WDR72: variants seen among roughly 807,000 people sequenced by gnomAD.
WDR72 encodes the protein WD repeat-containing protein 72.
WDR72 carries 120 observed loss-of-function variants against 124.2 expected under a neutral mutation model. The ratio of observed to expected loss-of-function variants is 0.97; its 90% confidence interval spans 0.83 to 1.12. WDR72 has a LOEUF of 1.12. Among genes scored for constraint, WDR72 ranks in the 50% most tolerant of loss-of-function variants. WDR72 has a pLI of 0.00. For synonymous variants in WDR72, 452 were observed against 441.7 expected (o/e 1.02, Z -0.29); for missense variants, 1,387 against 1,278.8 (o/e 1.08, Z -1.29).
intron 19 of WDR72, among the ~76,000 whole-genome samples, chr15:53,522,094 G>T (rs1251038612): frequency 2.0e-5 from 3 of 152,042 alleles, no homozygotes; most frequent in Non-Finnish European, 4.4e-5. Flanking sequence ...AATCTTGGTG[G>T]AGTGAAGAGG....
At chr15:53,610,463 CTTAAA>C (rs1217327844) in intron 16 of WDR72, among the ~76,000 whole-genome samples, 1 of 151,764 alleles carries the variant, frequency 6.6e-6, no homozygotes, top group African/African-American at 2.4e-5. Flanking sequence ...TAATTGTCTA[CTTAAA>C]TTAATATATT....
At chr15:53,674,990 G>C (rs899325816) in intron 13 of WDR72, among the ~76,000 whole-genome samples, 1 of 152,204 alleles carries the variant, frequency 6.6e-6, no homozygotes, top group Non-Finnish European at 1.5e-5. Flanking sequence ...TTGCTGAGAT[G>C]TGTAAAGATA....
In WDR72 at chr15:53,702,139, A is replaced by T. The variant is rs761015035; in HGVS notation, c.1564T>A (p.Phe522Ile). 2.5e-5 allele frequency: 40 copies of T among 1,611,456 alleles called. No individual in the cohort carries two copies. Among genetic ancestry groups the T allele is most frequent in the Non-Finnish European group, 3.2e-5 (38 of 1,178,896 alleles). The change falls in exon 12 of 20, where the codon TTT (phenylalanine) becomes ATT (isoleucine). Residue 522 changes from phenylalanine (F) to isoleucine (I), a missense_variant. Physicochemically the swap from Phe to Ile is conservative, Grantham distance 21. Transcript: ENST00000360509. The stretch of plus-strand genomic sequence containing the variant: ...TATTTTACTCTTCGTCTTACTTTAA[A>T]CTTCTCTGGTGACATCAAAAGACTT... ...VTSLLMSPEK[F>I]KLRGEQIICC...
chr15:53,526,046 G>A (rs1892093857), intron 18 of WDR72, among the ~76,000 whole-genome samples: 1 of 152,022 alleles, frequency 6.6e-6, no homozygotes, highest in Non-Finnish European at 1.5e-5. Context: ...GACATGATGT[G>A]TGACCAAGGC....
chr15:53,711,211 T>C, intron 8 of WDR72, 125 bp downstream of exon 8: 2 of 1,393,328 alleles, frequency 1.4e-6, no homozygotes, highest in Non-Finnish European at 2.0e-6. Context: ...GTAAATCTTC[T>C]AGTGCCAAAG....
At chr15:53,524,513 A>AT (rs1226049923) in intron 18 of WDR72, among the ~76,000 whole-genome samples, 1 of 152,066 alleles carries the variant, frequency 6.6e-6, no homozygotes, top group Non-Finnish European at 1.5e-5. Context: ...TCCAGTCAGC[A>AT]TTAGTAGTGT....
upstream of WDR72, among the ~76,000 whole-genome samples, chr15:53,761,724 A>G (rs913343530): frequency 6.6e-6 from 1 of 152,150 alleles, no homozygotes; most frequent in African/African-American, 2.4e-5. Flanking sequence ...GTTCCTCTGG[A>G]GGTTGAGTCA....
chr15:53,760,424 CAT>C (rs2019040180), upstream of WDR72, among the ~76,000 whole-genome samples: 1 of 151,084 alleles, frequency 6.6e-6, no homozygotes, highest in Non-Finnish European at 1.5e-5. Context: ...TAAGTGGGAA[CAT>C]GTGAAGTTTG....
chr15:53,608,926 A>G (rs2013410004), intron 17 of WDR72, among the ~76,000 whole-genome samples: 1 of 152,024 alleles, frequency 6.6e-6, no homozygotes, highest in African/African-American at 2.4e-5. Flanking sequence ...AATAATACCT[A>G]CTATTTGATA....
chr15:53,695,339 A>T (rs558499535), intron 13 of WDR72, among the ~76,000 whole-genome samples: 1 of 152,244 alleles, frequency 6.6e-6, no homozygotes, highest in Non-Finnish European at 1.5e-5. Context: ...AATTCTTAAA[A>T]GAATAATTAG....
chr15:53,645,470 T>C (rs1207228264), intron 14 of WDR72, among the ~76,000 whole-genome samples: 1 of 152,174 alleles, frequency 6.6e-6, no homozygotes, highest in Non-Finnish European at 1.5e-5. Context: ...CAGAATTTTG[T>C]AAAGCAGTTC....
intron 14 of WDR72, among the ~76,000 whole-genome samples, chr15:53,652,670 A>G (rs779262107): frequency 6.6e-6 from 1 of 152,158 alleles, no homozygotes; most frequent in Non-Finnish European, 1.5e-5. Flanking sequence ...CGCAATCCTC[A>G]GGCTATTTTT....
At chr15:53,535,734 T>C (rs1326712437) in intron 18 of WDR72, among the ~76,000 whole-genome samples, 1 of 152,088 alleles carries the variant, frequency 6.6e-6, no homozygotes, top group Non-Finnish European at 1.5e-5. Context: ...GAAACACAGA[T>C]CAAATTGGCC....
chr15:53,540,048 C>T (rs1398481437), intron 18 of WDR72, among the ~76,000 whole-genome samples: 10 of 151,976 alleles, frequency 6.6e-5, no homozygotes, highest in Admixed American at 4.6e-4. Flanking sequence ...AAGAGTATTT[C>T]GTAATACTAA....
intron 14 of WDR72, among the ~76,000 whole-genome samples, chr15:53,638,507 T>C (rs966311905): frequency 2.0e-5 from 3 of 152,278 alleles, no homozygotes; most frequent in Admixed American, 6.5e-5. Context: ...GACATTTTGT[T>C]ATTGGTACTT....
intron 18 of WDR72, among the ~76,000 whole-genome samples, chr15:53,552,127 C>CGTGT (rs1566956908): frequency 1.7e-3 from 137 of 79,296 alleles, no homozygotes; most frequent in African/African-American, 5.4e-3. Context: ...CTATACCTAT[C>CGTGT]ATGTGTGTGT....
chr15:53,579,018 A>T (rs2011774465), intron 18 of WDR72, among the ~76,000 whole-genome samples: 1 of 152,126 alleles, frequency 6.6e-6, no homozygotes, highest in Admixed American at 6.6e-5. Context: ...GCTGTTAGCA[A>T]GATGACTTCC....
At chr15:53,531,605 T>C (rs769644695) in intron 18 of WDR72, among the ~76,000 whole-genome samples, 12 of 152,152 alleles carry the variant, frequency 7.9e-5, no homozygotes, top group Non-Finnish European at 1.6e-4. Context: ...CATAAGCTAC[T>C]GACATCTATA....
At chr15:53,554,751 G>A (rs1806454667) in intron 18 of WDR72, among the ~76,000 whole-genome samples, 1 of 152,048 alleles carries the variant, frequency 6.6e-6, no homozygotes, top group South Asian at 2.1e-4. Context: ...CCTTATGTAT[G>A]TGTTTTGTGG....
Sources: allele counts gnomAD v4.1 joint callset (sites outside exome capture counted in the v4.1 genomes callset), GRCh38; gene constraint gnomAD v4.1.1; transcripts MANE v1.5; gene names NCBI Gene and HGNC (gene_info 2026-07-23, HGNC 2026-07-21).